MCTP2: variants seen among roughly 807,000 people sequenced by gnomAD.
MCTP2 encodes the protein multiple C2 and transmembrane domain-containing protein 2.
Under a neutral mutation model 111.6 loss-of-function variants are expected in MCTP2, and 132 were observed. The observed-to-expected ratio is 1.18, with a 90% CI of 1.03 to 1.37. The LOEUF is 1.37. Ranked by LOEUF, MCTP2 falls within the 40% of genes most tolerant of loss-of-function variation. The pLI, the probability that MCTP2 is intolerant of heterozygous loss-of-function variation, is 0.00. For missense variants in MCTP2, 1,183 were observed against 1,067.9 expected, an observed-to-expected ratio of 1.11 and a Z score of -1.50; for synonymous variants, 395 against 387.7, an observed-to-expected ratio of 1.02 and a Z score of -0.22.
At chr15:94,421,330 ACT>A (rs1254046730) in intron 17 of MCTP2, among the ~76,000 whole-genome samples, 3 of 152,002 alleles carry the variant, frequency 2.0e-5, no homozygotes, top group Admixed American at 1.3e-4. Flanking sequence ...CTGGAACCAA[ACT>A]CACAAGATCT....
chr15:94,351,137 A>T (rs2078281695), intron 8 of MCTP2, among the ~76,000 whole-genome samples: 1 of 152,178 alleles, frequency 6.6e-6, no homozygotes, highest in Non-Finnish European at 1.5e-5. Flanking sequence ...TTTTATCTAC[A>T]AGTATAAATT....
intron 12 of MCTP2, among the ~76,000 whole-genome samples, chr15:94,373,028 G>T (rs2079569686): frequency 6.6e-6 from 1 of 152,200 alleles, no homozygotes; most frequent in Non-Finnish European, 1.5e-5. Flanking sequence ...CTTGGCAGTA[G>T]TCCATACGGA....
At chr15:94,377,089 T>G (rs530519411) in intron 12 of MCTP2, among the ~76,000 whole-genome samples, 63 of 152,340 alleles carry the variant, frequency 4.1e-4, no homozygotes, top group Admixed American at 1.4e-3. Context: ...TTTATATTGC[T>G]GTTTTTGTTT....
intron 17 of MCTP2, among the ~76,000 whole-genome samples, chr15:94,435,798 A>T (rs2083444225): frequency 1.4e-5 from 2 of 144,332 alleles, no homozygotes; most frequent in Admixed American, 1.4e-4. Context: ...CACCCGGCTA[A>T]TTTTTTGTAT....
rs755408162 is a variant in MCTP2, at chr15:94,339,398, C to T, written c.746C>T (p.Pro249Leu). 3 of 1,608,700 alleles carry T rather than the reference C, an allele frequency of 1.9e-6. No individual in the cohort carries two copies. Among genetic ancestry groups the T allele is most frequent in the South Asian group, 2.2e-5 (2 of 90,372 alleles). Residue 249 changes from proline (P) to leucine (L), a missense_variant, in exon 5 of 23, where the codon CCA becomes CTA. Transcript: ENST00000357742. ...NPVWDEIVVL[P>L]IQSLDQKLRV... Reference sequence around the variant, plus strand: ...GTATGGGATGAGATAGTTGTATTGCCAATCCAAAGCCTTGATCAAAAGCTA... The same window carrying T: ...GTATGGGATGAGATAGTTGTATTGCTAATCCAAAGCCTTGATCAAAAGCTA...
intron 12 of MCTP2, among the ~76,000 whole-genome samples, chr15:94,377,787 C>T (rs1240124768): frequency 6.6e-6 from 1 of 152,028 alleles, no homozygotes; most frequent in African/African-American, 2.4e-5. Flanking sequence ...GGATGCCTGA[C>T]TGCAGATACC....
At position 94,356,195 on chromosome 15, in the gene MCTP2, A is replaced by G. The variant is rs780670734; in HGVS notation, c.1064A>G (p.Asn355Ser). 1 of 1,613,498 alleles carries G rather than the reference A, an allele frequency of 6.2e-7. No individual in the cohort carries two copies. Among genetic ancestry groups the G allele is most frequent in the Admixed American group, 1.7e-5 (1 of 59,980 alleles). ...SESLKKNQLWNGIISITLLEG... is the reference protein window; with the variant it reads ...SESLKKNQLWSGIISITLLEG... ...TCCTTGAAAAAGAACCAACTCTGGAACGGGATTATAAGTATAACTTTGTTG... is the reference window on the plus strand; with the variant it reads ...TCCTTGAAAAAGAACCAACTCTGGAGCGGGATTATAAGTATAACTTTGTTG... Residue 355 changes from asparagine (N) to serine (S), a missense_variant, in exon 9 of 23, where the codon AAC (asparagine) becomes AGC (serine). Coordinates refer to ENST00000357742, the MANE Select transcript of MCTP2 (RefSeq NM_001385001.1).
At chr15:94,245,987 G>A (rs1401108559) in intron 1 of MCTP2, among the ~76,000 whole-genome samples, 1 of 152,088 alleles carries the variant, frequency 6.6e-6, no homozygotes, top group Non-Finnish European at 1.5e-5. Flanking sequence ...GGAGCAGAGA[G>A]GATTTTAAAG....
intron 17 of MCTP2, among the ~76,000 whole-genome samples, chr15:94,437,658 G>A (rs1249848495): frequency 6.6e-6 from 1 of 152,042 alleles, no homozygotes; most frequent in Non-Finnish European, 1.5e-5. Flanking sequence ...GAAGAGTAAA[G>A]GGTGAAAAAA....
intron 4 of MCTP2, among the ~76,000 whole-genome samples, chr15:94,328,192 G>T (rs540451239): frequency 6.7e-6 from 1 of 149,816 alleles, no homozygotes; most frequent in Admixed American, 6.7e-5. Flanking sequence ...GCAGTGGCGT[G>T]ATCTCGGCTC....
intron 12 of MCTP2, among the ~76,000 whole-genome samples, chr15:94,383,404 T>A (rs2080265273): frequency 6.6e-6 from 1 of 152,232 alleles, no homozygotes. Flanking sequence ...CTGTGAAATG[T>A]GTATGTGTGG....
intron 1 of MCTP2, among the ~76,000 whole-genome samples, chr15:94,267,727 A>G (rs1418988877): frequency 6.6e-6 from 1 of 152,008 alleles, no homozygotes; most frequent in Non-Finnish European, 1.5e-5. Flanking sequence ...CTTTCTCCTC[A>G]TCTTCACCAG....
At chr15:94,300,932 G>A (rs1328572896) in intron 2 of MCTP2, among the ~76,000 whole-genome samples, 2 of 152,142 alleles carry the variant, frequency 1.3e-5, no homozygotes, top group African/African-American at 4.8e-5. Context: ...GCTTTGTGGT[G>A]TGATGTGTGT....
chr15:94,473,282 A>C (rs1030998115), intron 21 of MCTP2, among the ~76,000 whole-genome samples: 1 of 152,180 alleles, frequency 6.6e-6, no homozygotes, highest in Non-Finnish European at 1.5e-5. Flanking sequence ...GTGCAGCCAC[A>C]TTTATGTAAG....
chr15:94,336,413 G>A (rs1303983464), intron 4 of MCTP2, among the ~76,000 whole-genome samples: 1 of 152,156 alleles, frequency 6.6e-6, no homozygotes, highest in Non-Finnish European at 1.5e-5. Context: ...GTTGCCTGCT[G>A]CCCCTTAGGT....
chr15:94,442,085 A>G (rs1290070794), intron 18 of MCTP2, among the ~76,000 whole-genome samples: 1 of 152,224 alleles, frequency 6.6e-6, no homozygotes, highest in Admixed American at 6.5e-5. Context: ...TTACTAGTGG[A>G]ACAGTGACAT....
rs764460164 is a variant in MCTP2, at chr15:94,298,654, G to C, written c.389G>C (p.Arg130Pro). 2 of 1,613,770 alleles carry C rather than the reference G, an allele frequency of 1.2e-6. No homozygotes were observed. Among genetic ancestry groups the C allele is most frequent in the African/African-American group, 2.7e-5 (2 of 74,928 alleles). The change falls in exon 2 of 23, where the codon CGG becomes CCG. Residue 130 changes from arginine (R) to proline (P), a missense_variant. Arg to Pro is a moderately radical substitution (Grantham distance 103, BLOSUM62 -2). Coordinates refer to ENST00000357742, the MANE Select transcript of MCTP2 (RefSeq NM_001385001.1). ...GAGGCCTATGCCTCTCCTGCTGAGC[G>C]GAGACGGGTGTCCAGCAACGGCATC... Reference protein sequence around the residue: ...SEEAYASPAERRRVSSNGIFD... With the variant: ...SEEAYASPAEPRRVSSNGIFD...
chr15:94,458,190 T>C lies in MCTP2; in HGVS notation c.2304T>C (p.Val768=), dbSNP rs565367338. 2 of 1,612,730 alleles carry C rather than the reference T, an allele frequency of 1.2e-6. No individual in the cohort carries two copies. The highest frequency in any genetic ancestry group is 2.7e-5 in the African/African-American group (2 of 75,040). ...GAATCTATATGGTACAGGATATTGT[T>C]TCAACTGTTCAAAACGTCTTGGAGG... The part of the protein sequence containing the change: ...IERIYMVQDI[V]STVQNVLEEI... The change falls in exon 20 of 23, where the codon GTT becomes GTC. Residue 768 remains valine, a synonymous_variant. Coordinates refer to ENST00000357742, the MANE Select transcript of MCTP2 (RefSeq NM_001385001.1).
At chr15:94,407,220 A>C (rs1012898946) in intron 17 of MCTP2, among the ~76,000 whole-genome samples, 11 of 152,182 alleles carry the variant, frequency 7.2e-5, no homozygotes, top group African/African-American at 2.4e-4. Flanking sequence ...CATATGTTAA[A>C]ATATTATTTA....
Sources: gnomAD v4.1 joint callset for allele counts (sites outside exome capture counted in the v4.1 genomes callset) on GRCh38, gnomAD v4.1.1 for gene constraint, MANE v1.5 for transcripts, NCBI Gene and HGNC (gene_info 2026-07-23, HGNC 2026-07-21) for gene names.